GLP1R: variants seen among roughly 807,000 people sequenced by gnomAD.
GLP1R encodes glucagon like peptide 1 receptor, also known as glucagon-like peptide 1 receptor.
A neutral mutation model predicts 68.4 loss-of-function variants in GLP1R; 32 were observed. That is an observed-to-expected ratio of 0.47 (90% CI 0.35 to 0.63). GLP1R has a LOEUF of 0.63. GLP1R is among the 20% of genes least tolerant of loss of function. The pLI is 0.00. For synonymous variants in GLP1R, 263 were observed against 244.4 expected, an observed-to-expected ratio of 1.08 and a Z score of -0.71; for missense variants, 502 against 594.9, an observed-to-expected ratio of 0.84 and a Z score of 1.62.
At chr6:39,070,827 T>C (rs1314507014) in intron 5 of GLP1R, among the ~76,000 whole-genome samples, 2 of 152,144 alleles carry the variant, frequency 1.3e-5, no homozygotes, top group Admixed American at 1.3e-4. Flanking sequence ...TTCTGGATAC[T>C]TATCCAGGAT....
Position 39,072,883 on chromosome 6 carries a change from C to G in GLP1R, c.531C>G (p.Asn177Lys). ...TCAGACACCTGCACTGCACCAGGAA[C>G]TACATCCACCTGAACCTGTTTGCAT... The part of the protein sequence containing the change: ...LGFRHLHCTR[N>K]YIHLNLFASF... Residue 177 changes from asparagine to lysine, a missense_variant, in exon 6 of 13, where the codon AAC becomes AAG. Transcript: ENST00000373256. 3 of 1,614,142 alleles carry G rather than the reference C, an allele frequency of 1.9e-6. No individual in the cohort carries two copies.
Position 39,079,078 on chromosome 6 carries a change from G to A in GLP1R, c.955-34G>A, listed in dbSNP as rs571893057. On this transcript the variant is annotated intron_variant, in intron 9 of 12. Transcript: ENST00000373256. This position sits in a 1 kb window ranked among gnomAD's most constrained non-coding sequence, Gnocchi z 4.5. ...TGGCAGCTATGATAGGGCTGGGCTG[G>A]TGCCCCCTGCCAATCCCCGGCCCCA... The A allele has an allele frequency of 1.2e-6, 2 of 1,607,518 alleles. No homozygotes were observed. The highest frequency in any genetic ancestry group is 4.5e-5 in the East Asian group (2 of 44,858).
chr6:39,059,912 T>A (rs1183082345), intron 3 of GLP1R, among the ~76,000 whole-genome samples: 1 of 152,176 alleles, frequency 6.6e-6, no homozygotes, highest in Non-Finnish European at 1.5e-5. Flanking sequence ...TGCCCGTTTA[T>A]GAGCAAACAT....
At chr6:39,078,404 G>A (rs200085541) in intron 8 of GLP1R, 22 bp downstream of exon 8, 32 of 1,573,974 alleles carry the variant, frequency 2.0e-5, no homozygotes, top group African/African-American at 8.1e-5. Flanking sequence ...GCTCCAAGGG[G>A]GCGGGTGTGC....
intron 8 of GLP1R, 152 bp from the exon 9 acceptor site, chr6:39,078,805 G>T: frequency 1.4e-6 from 1 of 704,500 alleles, no homozygotes. Flanking sequence ...AGGGCTCTGT[G>T]GGTCCATGGG....
intron 1 of GLP1R, among the ~76,000 whole-genome samples, chr6:39,055,671 A>G (rs2150820831): frequency 6.9e-6 from 1 of 145,506 alleles, no homozygotes; most frequent in South Asian, 2.2e-4. Flanking sequence ...GGTGGATAGA[A>G]GCTGGGTTGA....
chr6:39,058,385 C>T (rs535014104), intron 3 of GLP1R, among the ~76,000 whole-genome samples: 1 of 152,262 alleles, frequency 6.6e-6, no homozygotes, highest in South Asian at 2.1e-4. Context: ...CCTCAGCTCA[C>T]TCCTGCCTGC....
intron 5 of GLP1R, among the ~76,000 whole-genome samples, chr6:39,068,800 C>A (rs376568387): frequency 1.3e-5 from 2 of 152,180 alleles, no homozygotes; most frequent in South Asian, 4.1e-4. Context: ...GGCTCCTCCC[C>A]CAGAACTGTT....
At position 39,078,344 on chromosome 6, in the gene GLP1R, C is replaced by A. The variant is rs768596982; in HGVS notation, c.846C>A (p.Val282=). Residue 282 remains valine (V), a synonymous_variant, in exon 8 of 13, where the codon GTC becomes GTA. Coordinates refer to ENST00000373256, the MANE Select transcript of GLP1R (RefSeq NM_002062.5). ...TAGGTGTTCCCCTGCTGTTTGTTGT[C>A]CCCTGGGGCATTGTCAAGTACCTCT... is the stretch of plus-strand genomic sequence containing the variant. ...IGWGVPLLFV[V]PWGIVKYLYE... The A allele has an allele frequency of 6.2e-7, 1 of 1,612,714 alleles. No homozygotes were observed. The highest frequency in any genetic ancestry group is 8.5e-7 in the Non-Finnish European group (1 of 1,178,852).
At chr6:39,071,990 T>C (rs568060781) in intron 5 of GLP1R, among the ~76,000 whole-genome samples, 5 of 152,258 alleles carry the variant, frequency 3.3e-5, no homozygotes, top group Admixed American at 1.3e-4. Context: ...TCTGTTAGAC[T>C]CATTTCAAGC....
chr6:39,063,918 A>AT (rs1768423226), intron 3 of GLP1R, among the ~76,000 whole-genome samples: 1 of 143,648 alleles, frequency 7.0e-6, no homozygotes, highest in Non-Finnish European at 1.5e-5. Context: ...ACACACACAC[A>AT]GACACATAAC....
Position 39,091,006 on chromosome 6 carries a change from G to A in GLP1R, c.*4933G>A, listed in dbSNP as rs953321703. ...AGCAGACCAACTCCAGCATCCCATC[G>A]GTTCTGGAGGGATTTGATGCAAACC... On this transcript the variant is annotated 3_prime_UTR_variant, in exon 13 of 13. Transcript: ENST00000373256. 2.6e-5 allele frequency among the ~76,000 whole-genome samples: 4 copies of A among 152,106 alleles called. No individual in the cohort carries two copies. Among genetic ancestry groups the A allele is most frequent in the Admixed American group, 2.6e-4 (4 of 15,278 alleles).
chr6:39,086,097 G>C lies in GLP1R; in HGVS notation c.*24G>C, dbSNP rs1021261417. 1 of 1,609,782 alleles carries C rather than the reference G, an allele frequency of 6.2e-7. No individual in the cohort carries two copies. The highest frequency in any genetic ancestry group is 8.5e-7 in the Non-Finnish European group (1 of 1,177,716). The stretch of plus-strand genomic sequence containing the variant: ...GAGACTCCAGCGCCTGCCCTCCCTG[G>C]GGTCCTTGCTGCAGGCCGGGTGGCC... On this transcript the variant is annotated 3_prime_UTR_variant, in exon 13 of 13. Transcript: ENST00000373256. This position sits in a 1 kb window ranked among gnomAD's most constrained non-coding sequence, Gnocchi z 4.5.
intron 5 of GLP1R, among the ~76,000 whole-genome samples, chr6:39,070,751 T>C (rs1768638794): frequency 6.6e-6 from 1 of 152,188 alleles, no homozygotes; most frequent in Non-Finnish European, 1.5e-5. Flanking sequence ...CTTTTTCATA[T>C]CCTTTGCTTA....
chr6:39,066,164 C>A, intron 4 of GLP1R, 33 bp from the exon 5 acceptor site: 1 of 1,214,602 alleles, frequency 8.2e-7, no homozygotes, highest in Non-Finnish European at 1.2e-6. Context: ...CCATGGGCTG[C>A]CCATGTACAC....
intron 5 of GLP1R, among the ~76,000 whole-genome samples, chr6:39,071,031 A>T (rs1768647139): frequency 6.6e-6 from 1 of 152,306 alleles, no homozygotes; most frequent in African/African-American, 2.4e-5. Context: ...CCAAAGAACA[A>T]ATTCTGGACA....
chr6:39,063,819 G>T (rs1768417626), intron 3 of GLP1R, among the ~76,000 whole-genome samples: 1 of 151,746 alleles, frequency 6.6e-6, no homozygotes, highest in Non-Finnish European at 1.5e-5. Context: ...GTGAAAAATA[G>T]AACTCCCAGA....
chr6:39,084,093 C>T (rs1408460312), intron 12 of GLP1R, among the ~76,000 whole-genome samples: 6 of 152,034 alleles, frequency 3.9e-5, no homozygotes, highest in Non-Finnish European at 8.8e-5. Flanking sequence ...ACTGCAAGAG[C>T]CACGCAGGCA....
intron 5 of GLP1R, 149 bp downstream of exon 5, chr6:39,066,452 T>C: frequency 1.7e-6 from 1 of 584,538 alleles, no homozygotes; most frequent in Non-Finnish European, 3.1e-6. Context: ...CCGTAGAATA[T>C]GAGGTTGAAA....
Sources: gnomAD v4.1 joint callset for allele counts (sites outside exome capture counted in the v4.1 genomes callset) on GRCh38, gnomAD v4.1.1 for gene constraint, Gnocchi (gnomAD v3.1) non-coding constraint, MANE v1.5 for transcripts, NCBI Gene and HGNC (gene_info 2026-07-23, HGNC 2026-07-21) for gene names.